Variants in MYBPC3 observed in about 807,000 individuals in gnomAD.
MYBPC3 encodes myosin binding protein C3.
A neutral mutation model predicts 159.3 loss-of-function variants in MYBPC3; 108 were observed. The observed-to-expected ratio is 0.68, with a 90% CI of 0.58 to 0.80. The LOEUF is 0.80. MYBPC3 is among the 30% of genes least tolerant of loss of function. The pLI is 0.00. For missense variants in MYBPC3, 1,631 were observed against 1,762.1 expected, an observed-to-expected ratio of 0.93 and a Z score of 1.33; for synonymous variants, 730 against 702.0, an observed-to-expected ratio of 1.04 and a Z score of -0.63.
chr11:47,341,059 A>ACGGGGGCAAAGG, intron 19 of MYBPC3, 27 bp from the exon 20 acceptor site: 1 of 1,575,364 alleles, frequency 6.3e-7, no homozygotes, highest in Non-Finnish European at 8.6e-7. Context: ...AGCAAGTAGC[A>ACGGGGGCAAAGG]CGGGGGCAAA....
intron 3 of MYBPC3, 98 bp from the exon 4 acceptor site, chr11:47,350,210 G>A (rs555446522): frequency 2.4e-4 from 319 of 1,349,878 alleles, no homozygotes; most frequent in South Asian, 8.1e-4. Context: ...TGCAAGCTCC[G>A]CCTCCCAGGT....
Position 47,350,535 on chromosome 11 carries a change from C to A in MYBPC3, c.373G>T (p.Ala125Ser), listed in dbSNP as rs370958401. 3.2e-6 allele frequency: 5 copies of A among 1,555,954 alleles called. No homozygotes were observed. The highest frequency in any genetic ancestry group is 4.3e-6 in the Non-Finnish European group (5 of 1,156,502). Residue 125 changes from alanine (A) to serine (S), a missense_variant, in exon 3 of 35, where the codon GCT (alanine) becomes TCT (serine). Ala to Ser is a moderately conservative substitution (Grantham distance 99). Coordinates refer to ENST00000545968, the MANE Select transcript of MYBPC3 (RefSeq NM_000256.3). Reference protein sequence around the residue: ...GAPGEAPAPAAELGESAPSPK... With the variant: ...GAPGEAPAPASELGESAPSPK... ...CTTGGGGCACTTTCTCCCAGCTCAGCGGCTGGGGCCGGGGCTTCTCCAGGG... is the reference window on the plus strand; with the variant it reads ...CTTGGGGCACTTTCTCCCAGCTCAGAGGCTGGGGCCGGGGCTTCTCCAGGG...
In MYBPC3 at chr11:47,346,972, C is replaced by T. The variant is rs1480339036; in HGVS notation, c.908+55G>A. 5 of 769,476 alleles carry T rather than the reference C, an allele frequency of 6.5e-6. No homozygotes were observed. Among genetic ancestry groups the T allele is most frequent in the African/African-American group, 1.7e-5 (1 of 59,154 alleles). 47.7% of individuals were successfully genotyped at this position (769,476 alleles called of 1,614,324 possible). On this transcript the variant is annotated intron_variant, in intron 10 of 34. Coordinates refer to ENST00000545968, the MANE Select transcript of MYBPC3 (RefSeq NM_000256.3). The surrounding 1 kb of genome is among the most constrained non-coding windows in gnomAD (Gnocchi z 5.3). ...CCTCTCAGAGAGGGGACGGGAATCCCCTCTGCACCCACCAGCGCCCTGCCG... is the reference window on the plus strand; with the variant it reads ...CCTCTCAGAGAGGGGACGGGAATCCTCTCTGCACCCACCAGCGCCCTGCCG...
chr11:47,333,987 T>C lies in MYBPC3; in HGVS notation c.2929A>G (p.Arg977Gly). The change falls in exon 28 of 35, where the codon AGG becomes GGG. Residue 977 changes from arginine (R) to glycine (G), a missense_variant. Arg to Gly is a moderately radical substitution (Grantham distance 125, BLOSUM62 -2). Transcript: ENST00000545968. ...TTCTGAATGGTCTGGCGCAGGTGCC[T>C]GGGCAGCTGAAGCCGTGGCCGTTCT... is the stretch of plus-strand genomic sequence containing the variant. ...ILQRPRLQLPRHLRQTIQKKV... is the reference protein window; with the variant it reads ...ILQRPRLQLPGHLRQTIQKKV... 6.3e-7 allele frequency: 1 copy of C among 1,583,320 alleles called. No individual in the cohort carries two copies. The highest frequency in any genetic ancestry group is 8.6e-7 in the Non-Finnish European group (1 of 1,165,086).
chr11:47,349,899 G>C lies in MYBPC3; in HGVS notation c.529C>G (p.Arg177Gly), dbSNP rs193922385. ...TTCAGGAGGCTGGCGCCGGCCACGC[G>C]GGCTGAGAAGGTGATGCTGCCACCT... ...TVGGSITFSA[R>G]VAGASLLKPP... Residue 177 changes from arginine (R) to glycine (G), a missense_variant, in exon 5 of 35, where the codon CGC becomes GGC. By Grantham distance (125) the Arg-to-Gly change is moderately radical. Transcript: ENST00000545968. 5 of 1,607,196 alleles carry C rather than the reference G, an allele frequency of 3.1e-6. No individual in the cohort carries two copies. Among genetic ancestry groups the C allele is most frequent in the Non-Finnish European group, 4.2e-6 (5 of 1,177,218 alleles).
intron 12 of MYBPC3, among the ~76,000 whole-genome samples, chr11:47,345,571 A>G (rs1328007866): frequency 1.3e-5 from 2 of 152,186 alleles, no homozygotes; most frequent in South Asian, 2.1e-4. Flanking sequence ...AGACCCAGAC[A>G]TGGTGGGGAG....
chr11:47,339,319 C>T lies in MYBPC3; in HGVS notation c.2148+5G>A, dbSNP rs1320509129. On this transcript the variant is annotated splice_donor_5th_base_variant and intron_variant, in intron 22 of 34. Coordinates refer to ENST00000545968, the MANE Select transcript of MYBPC3 (RefSeq NM_000256.3). ...GAGCCTCCTCCTGACCTCAGTCTCA[C>T]TCACCTTCTTGTCAAACACCCACTC... The T allele has an allele frequency of 7.4e-6, 12 of 1,613,962 alleles. No homozygotes were observed. Among genetic ancestry groups the T allele is most frequent in the Non-Finnish European group, 8.5e-6 (10 of 1,179,800 alleles).
In MYBPC3 at chr11:47,347,449, G is replaced by A. The variant is rs1459586065; in HGVS notation, c.882C>T (p.Asp294=). The change falls in exon 9 of 35, where the codon GAC becomes GAT. Residue 294 remains aspartate (D), a synonymous_variant. Transcript: ENST00000545968. Reference sequence around the variant, plus strand: ...ACCTCTTTTTCAGCAGTGAGCTGAAGTCCAGAATCCCAGTGTCCTCATGGC... The same window carrying A: ...ACCTCTTTTTCAGCAGTGAGCTGAAATCCAGAATCCCAGTGTCCTCATGGC... ...SDSHEDTGIL[D]FSSLLKKRDS... The A allele has an allele frequency of 7.5e-6, 12 of 1,594,382 alleles. No homozygotes were observed. Among genetic ancestry groups the A allele is most frequent in the Non-Finnish European group, 7.7e-6 (9 of 1,170,800 alleles).
rs2095884023 is a variant in MYBPC3 at position 47,337,769 on chromosome 11, G to A, written c.2334C>T (p.Pro778=). Residue 778 remains proline, a synonymous_variant, in exon 24 of 35, where the codon CCC becomes CCT. Coordinates refer to ENST00000545968, the MANE Select transcript of MYBPC3 (RefSeq NM_000256.3). Reference sequence around the variant, plus strand: ...AGTCCTCTCCCACGTTGCTGATCTTGGGGGCCGCAGGTGCGTCTGGCACGT... The same window carrying A: ...AGTCCTCTCCCACGTTGCTGATCTTAGGGGCCGCAGGTGCGTCTGGCACGT... ...VIDVPDAPAA[P]KISNVGEDSC... The A allele has an allele frequency of 3.2e-6, 5 of 1,552,958 alleles. No individual in the cohort carries two copies. Among genetic ancestry groups the A allele is most frequent in the South Asian group, 1.2e-5 (1 of 84,272 alleles).
In MYBPC3 at chr11:47,342,591, C is replaced by T; in HGVS notation, c.1611G>A (p.Glu537=). ...LCTSGGQALA[E]LIVQEKKLEV... ...AGCCAGGCTCACCCTGCACAATGAG[C>T]TCAGCCAGCGCCTGGCCCCCGCTAG... Residue 537 remains glutamate (E), a synonymous_variant, in exon 17 of 35, where the codon GAG becomes GAA. Coordinates refer to ENST00000545968, the MANE Select transcript of MYBPC3 (RefSeq NM_000256.3). 6.2e-7 allele frequency: 1 copy of T among 1,604,072 alleles called. No individual in the cohort carries two copies. The highest frequency in any genetic ancestry group is 1.1e-5 in the South Asian group (1 of 89,600).
chr11:47,350,747 T>TG, intron 2 of MYBPC3, 132 bp from the exon 3 acceptor site: 1 of 1,337,978 alleles, frequency 7.5e-7, no homozygotes, highest in Non-Finnish European at 9.7e-7. Context: ...TCCCGCTGCC[T>TG]GGGCCCCTCA....
In MYBPC3 at chr11:47,351,455, G is replaced by A; in HGVS notation, c.76C>T (p.Pro26Ser). 2 of 1,600,292 alleles carry A rather than the reference G, an allele frequency of 1.2e-6. No individual in the cohort carries two copies. The highest frequency in any genetic ancestry group is 1.7e-6 in the Non-Finnish European group (2 of 1,171,156). ...PRSVEVAAGS[P>S]AVFEAETERA... The stretch of plus-strand genomic sequence containing the variant: ...TCTGTCTCGGCCTCGAACACGGCAG[G>A]GCTGCCTGCGGCCACTTCCACTGAC... The change falls in exon 2 of 35, where the codon CCT (proline) becomes TCT (serine). Residue 26 changes from proline (P) to serine (S), a missense_variant. Coordinates refer to ENST00000545968, the MANE Select transcript of MYBPC3 (RefSeq NM_000256.3). The surrounding 1 kb of genome is among the most constrained non-coding windows in gnomAD (Gnocchi z 4.2).
chr11:47,347,909 G>T lies in MYBPC3; in HGVS notation c.773-4C>A. 12 of 1,572,360 alleles carry T rather than the reference G, an allele frequency of 7.6e-6. No individual in the cohort carries two copies. Among genetic ancestry groups the T allele is most frequent in the African/African-American group, 1.4e-5 (1 of 73,944 alleles). The stretch of plus-strand genomic sequence containing the variant: ...AGGTCTCCGGTGCCCATGGCCTCTG[G>T]GTTCAAAGGGTGGAGAGATGGGGGA... On this transcript the variant is annotated splice_polypyrimidine_tract_variant and splice_region_variant and intron_variant, in intron 6 of 34. Coordinates refer to ENST00000545968, the MANE Select transcript of MYBPC3 (RefSeq NM_000256.3).
In MYBPC3 at chr11:47,337,549, CTCT is replaced by C. The variant is rs727504288; in HGVS notation, c.2441_2443del (p.Lys814del). On this transcript the variant is annotated inframe_deletion, in exon 25 of 35. Coordinates refer to ENST00000545968, the MANE Select transcript of MYBPC3 (RefSeq NM_000256.3). ...GAAGTTCAGCCGCATCCACCGGTAGCTCTTCTTCTTCTTGCGCTCCAGGATGTA... is the reference window on the plus strand; with the variant it reads ...GAAGTTCAGCCGCATCCACCGGTAGCTCTTCTTCTTGCGCTCCAGGATGTA... 3.7e-5 allele frequency: 60 copies of C among 1,613,360 alleles called. No individual in the cohort carries two copies. Among genetic ancestry groups the C allele is most frequent in the South Asian group, 7.7e-5 (7 of 91,046 alleles).
rs1306474802 is a variant in MYBPC3 at position 47,333,034 on chromosome 11, T to C, written c.3331-61A>G. ...CAGGCCCTTCCTGATGCCGAGAGCC[T>C]CTCCTGGGTGCCCTTGGCATCTCCA... On this transcript the variant is annotated intron_variant, in intron 30 of 34. Coordinates refer to ENST00000545968, the MANE Select transcript of MYBPC3 (RefSeq NM_000256.3). 4.3e-5 allele frequency: 67 copies of C among 1,557,826 alleles called. No homozygotes were observed. The Admixed American group carries it at 1.3e-3, about 29-fold the overall frequency.
chr11:47,344,403 G>A (rs921486868), intron 12 of MYBPC3, among the ~76,000 whole-genome samples: 4 of 152,224 alleles, frequency 2.6e-5, no homozygotes, highest in African/African-American at 7.2e-5. Flanking sequence ...GGCTCAGAGA[G>A]GCGACTGGCC....
intron 6 of MYBPC3, 78 bp downstream of exon 6, chr11:47,348,346 T>A (rs1595848802): frequency 1.9e-6 from 2 of 1,076,278 alleles, no homozygotes; most frequent in East Asian, 5.2e-5. Flanking sequence ...GGCATCCTCC[T>A]TAGTGTTGGG....
Position 47,351,959 on chromosome 11 carries a change from G to C in MYBPC3, c.26-454C>G, listed in dbSNP as rs898325905. ...ATAAAGCTGGCCTGGGAGGGCGCTG[G>C]GGGATGGGGACCTGGATCTCTGCCC... On this transcript the variant is annotated intron_variant, in intron 1 of 34. Transcript: ENST00000545968. This position sits in a 1 kb window ranked among gnomAD's most constrained non-coding sequence, Gnocchi z 4.2. 9.2e-5 allele frequency among the ~76,000 whole-genome samples: 14 copies of C among 152,256 alleles called. No homozygotes were observed. Among genetic ancestry groups the C allele is most frequent in the Admixed American group, 7.2e-4 (11 of 15,296 alleles).
rs730880621 is a variant in MYBPC3 at position 47,349,773 on chromosome 11, C to T, written c.654+1G>A. The stretch of plus-strand genomic sequence containing the variant: ...TGTCTCCACGACCCCGGTGGACCCA[C>T]CTTGCTGGCGCGGTCGTAGCTGTCG... On this transcript the variant is annotated splice_donor_variant, in intron 5 of 34. Coordinates refer to ENST00000545968, the MANE Select transcript of MYBPC3 (RefSeq NM_000256.3). LOFTEE classifies it high-confidence loss of function. 1 of 1,603,826 alleles carries T rather than the reference C, an allele frequency of 6.2e-7. No individual in the cohort carries two copies. The highest frequency in any genetic ancestry group is 8.5e-7 in the Non-Finnish European group (1 of 1,179,548).
Sources: gnomAD v4.1 joint callset for allele counts (sites outside exome capture counted in the v4.1 genomes callset) on GRCh38, gnomAD v4.1.1 for gene constraint, Gnocchi (gnomAD v3.1) non-coding constraint, MANE v1.5 for transcripts, NCBI Gene and HGNC (gene_info 2026-07-23, HGNC 2026-07-21) for gene names.